Variants in LINGO2 observed in about 807,000 individuals in gnomAD.
LINGO2 encodes leucine-rich repeat and immunoglobulin-like domain-containing nogo receptor-interacting protein 2.
LINGO2 carries 14 observed loss-of-function variants against 30.6 expected under a neutral mutation model. The observed-to-expected ratio is 0.46, with a 90% confidence interval of 0.30 to 0.72. The LOEUF (loss-of-function observed/expected upper bound fraction) is 0.72, where lower values mean the gene tolerates loss of function less well. Among genes scored for constraint, LINGO2 ranks in the 30% least tolerant of loss-of-function variants. LINGO2 has a pLI of 0.07. For synonymous variants in LINGO2, 317 were observed against 288.5 expected, an observed-to-expected ratio of 1.10 and a Z score of -1.00; for missense variants, 729 against 751.7, an observed-to-expected ratio of 0.97 and a Z score of 0.35.
At chr9:29,198,232 C>A in the LINGO2 span, among the ~76,000 whole-genome samples, 1 of 152,020 alleles carries the variant, frequency 6.6e-6, no homozygotes, top group African/African-American at 2.4e-5. Flanking sequence ...ATGCAATAAC[C>A]AAATAGTTGA....
At chr9:28,032,411 G>A (rs149043299) in intron 4 of LINGO2, among the ~76,000 whole-genome samples, 1 of 152,238 alleles carries the variant, frequency 6.6e-6, no homozygotes, top group East Asian at 1.9e-4. Context: ...GGAGATTCCT[G>A]TCTTTGTCAA....
intron 2 of LINGO2, among the ~76,000 whole-genome samples, chr9:28,456,213 G>A (rs1301905208): frequency 6.6e-6 from 1 of 152,152 alleles, no homozygotes; most frequent in East Asian, 1.9e-4. Flanking sequence ...CATAAGCAAA[G>A]TGAAAAAGAC....
At chr9:28,326,033 G>C (rs1825215968) in intron 3 of LINGO2, among the ~76,000 whole-genome samples, 1 of 152,140 alleles carries the variant, frequency 6.6e-6, no homozygotes, top group African/African-American at 2.4e-5. Flanking sequence ...TTTAGACAAA[G>C]TCTCGCTCTG....
the LINGO2 span, among the ~76,000 whole-genome samples, chr9:28,867,073 G>C: frequency 6.6e-6 from 1 of 152,172 alleles, no homozygotes; most frequent in East Asian, 1.9e-4. Context: ...ACTACTGCTG[G>C]TGACAGGAAG....
At position 28,546,805 on chromosome 9, in the gene LINGO2, G is replaced by T. The variant is rs559684620; in HGVS notation, c.-364-70780C>A. 3.3e-5 allele frequency among the ~76,000 whole-genome samples: 5 copies of T among 152,078 alleles called. No individual in the cohort carries two copies. The East Asian group carries it at 9.7e-4, about 30-fold the overall frequency. ...AATGTCCTTCAGTTCAAACTACTCAGCATTCCAAAATGCCACACTCTGGGG... is the reference window on the plus strand; with the variant it reads ...AATGTCCTTCAGTTCAAACTACTCATCATTCCAAAATGCCACACTCTGGGG... On this transcript the variant is annotated intron_variant, in intron 1 of 5. Transcript: ENST00000379992.
chr9:28,427,889 G>A (rs1454365559), intron 2 of LINGO2, among the ~76,000 whole-genome samples: 3 of 151,988 alleles, frequency 2.0e-5, no homozygotes, highest in African/African-American at 7.2e-5. Flanking sequence ...ATTATATGAG[G>A]ACATTCAATA....
chr9:28,021,031 C>T (rs920709767), intron 4 of LINGO2, among the ~76,000 whole-genome samples: 12 of 151,892 alleles, frequency 7.9e-5, no homozygotes, highest in African/African-American at 2.9e-4. Flanking sequence ...CTTTCCATTG[C>T]ATTGATTTTT....
chr9:28,469,051 A>C (rs1014831110), intron 2 of LINGO2, among the ~76,000 whole-genome samples: 1 of 152,200 alleles, frequency 6.6e-6, no homozygotes, highest in Non-Finnish European at 1.5e-5. Context: ...ATGTGGAGAA[A>C]ATTCAAGGAA....
the LINGO2 span, among the ~76,000 whole-genome samples, chr9:28,682,590 G>A: frequency 5.3e-5 from 8 of 151,964 alleles, no homozygotes; most frequent in African/African-American, 1.4e-4. Flanking sequence ...ACAATTTCAC[G>A]ATTATAGATG....
At chr9:28,015,819 T>C (rs548418200) in intron 4 of LINGO2, among the ~76,000 whole-genome samples, 48 of 152,244 alleles carry the variant, frequency 3.2e-4, no homozygotes, top group Middle Eastern at 3.4e-3. Context: ...GTTATTAATT[T>C]GTTCATTTTA....
the LINGO2 span, among the ~76,000 whole-genome samples, chr9:28,909,915 T>G: frequency 6.6e-6 from 1 of 151,924 alleles, no homozygotes; most frequent in Non-Finnish European, 1.5e-5. Context: ...AAAGCAGTAA[T>G]CAACAGAAAG....
At chr9:28,064,863 C>T (rs1825265467) in intron 4 of LINGO2, among the ~76,000 whole-genome samples, 1 of 151,910 alleles carries the variant, frequency 6.6e-6, no homozygotes, top group Admixed American at 6.6e-5. Flanking sequence ...TAGCATGGCA[C>T]TGGCAAGTGG....
the LINGO2 span, among the ~76,000 whole-genome samples, chr9:29,137,716 A>G: frequency 6.6e-6 from 1 of 152,108 alleles, no homozygotes; most frequent in African/African-American, 2.4e-5. Context: ...ATAAATTTTC[A>G]CCAATCTCCC....
chr9:28,215,769 T>C (rs1212162235), intron 4 of LINGO2, among the ~76,000 whole-genome samples: 2 of 151,798 alleles, frequency 1.3e-5, no homozygotes, highest in Non-Finnish European at 2.9e-5. Context: ...CTCTTCATAG[T>C]CACGGTATTG....
the LINGO2 span, among the ~76,000 whole-genome samples, chr9:29,089,806 T>C: frequency 6.6e-6 from 1 of 152,060 alleles, no homozygotes; most frequent in South Asian, 2.1e-4. Flanking sequence ...ATAAGGAAAC[T>C]AGTTCCATGA....
intron 3 of LINGO2, among the ~76,000 whole-genome samples, chr9:28,346,459 T>A (rs970496091): frequency 2.6e-5 from 4 of 152,174 alleles, no homozygotes; most frequent in Non-Finnish European, 5.9e-5. Flanking sequence ...TTGGGTTGGT[T>A]CCATGTCTTT....
chr9:29,105,102 G>A, the LINGO2 span, among the ~76,000 whole-genome samples: 4 of 152,082 alleles, frequency 2.6e-5, no homozygotes, highest in Non-Finnish European at 5.9e-5. Context: ...AACAAATGCA[G>A]CTAAGCAGGG....
chr9:29,051,605 C>T, the LINGO2 span, among the ~76,000 whole-genome samples: 6,276 of 152,212 alleles, frequency 0.041, 197 homozygotes, highest in Admixed American at 0.083. Context: ...TCATTAATCT[C>T]ATATGAGATG....
chr9:28,027,414 C>A (rs1413293100), intron 4 of LINGO2, among the ~76,000 whole-genome samples: 2 of 152,156 alleles, frequency 1.3e-5, no homozygotes, highest in African/African-American at 2.4e-5. Flanking sequence ...TTACCTGAAG[C>A]AATAACAATC....
Sources: gnomAD v4.1 joint callset for allele counts (sites outside exome capture counted in the v4.1 genomes callset) on GRCh38, gnomAD v4.1.1 for gene constraint, MANE v1.5 for transcripts, NCBI Gene and HGNC (gene_info 2026-07-23, HGNC 2026-07-21) for gene names.